CDK6: variants seen among roughly 807,000 people sequenced by gnomAD.
The protein encoded by CDK6 is cyclin-dependent kinase 6.
Under a neutral mutation model 37.1 loss-of-function variants are expected in CDK6, and 6 were observed. The observed-to-expected ratio is 0.16, with a 90% CI of 0.09 to 0.32. The LOEUF (loss-of-function observed/expected upper bound fraction) is 0.32. Among genes scored for constraint, CDK6 ranks in the 10% least tolerant of loss-of-function variants. CDK6 has a pLI of 1.00. For missense variants in CDK6, 224 were observed against 418.9 expected (o/e 0.53, Z 4.06); for synonymous variants, 160 against 161.3 (o/e 0.99, Z 0.06).
At chr7:92,741,291 G>GTTT (rs1244653707) in intron 3 of CDK6, among the ~76,000 whole-genome samples, 2 of 152,204 alleles carry the variant, frequency 1.3e-5, no homozygotes, top group African/African-American at 4.8e-5. Context: ...GTGTGGCTAT[G>GTTT]TTTGCATTAG....
At chr7:92,701,844 C>T (rs538728715) in intron 4 of CDK6, 1 of 152,450 alleles carries the variant, frequency 6.6e-6, no homozygotes, top group Admixed American at 6.5e-5. Flanking sequence ...CTGACAAATA[C>T]CACAAAATGC....
chr7:92,638,693 A>C (rs1172518272), intron 5 of CDK6, among the ~76,000 whole-genome samples: 1 of 152,210 alleles, frequency 6.6e-6, no homozygotes, highest in Non-Finnish European at 1.5e-5. Flanking sequence ...CCTTGAAGGA[A>C]CATCACTTAC....
chr7:92,828,975 T>G (rs777081640), intron 2 of CDK6, among the ~76,000 whole-genome samples: 25 of 152,288 alleles, frequency 1.6e-4, no homozygotes, highest in Non-Finnish European at 3.2e-4. Context: ...ACTCCTGCTT[T>G]TCCTGCTTTT....
intron 3 of CDK6, among the ~76,000 whole-genome samples, chr7:92,747,171 T>A (rs1799080743): frequency 6.6e-6 from 1 of 152,148 alleles, no homozygotes; most frequent in Admixed American, 6.5e-5. Flanking sequence ...ACTTACCTAT[T>A]TCTGCTTTTC....
intron 5 of CDK6, among the ~76,000 whole-genome samples, chr7:92,659,279 T>A (rs141769087): frequency 4.6e-5 from 7 of 152,296 alleles, no homozygotes; most frequent in African/African-American, 1.4e-4. Flanking sequence ...TGAACTGAGA[T>A]GTGCTGTAAG....
intron 7 of CDK6, among the ~76,000 whole-genome samples, chr7:92,615,564 G>A (rs1412454793): frequency 1.3e-5 from 2 of 152,158 alleles, no homozygotes; most frequent in East Asian, 1.9e-4. Flanking sequence ...ACTTTATTTA[G>A]TAATTCTTCC....
At position 92,608,362 on chromosome 7, in the gene CDK6, CAAAGAA is replaced by C. The variant is rs1795478219; in HGVS notation, c.*6772_*6777del. 1 of 231,292 alleles carries C rather than the reference CAAAGAA, an allele frequency of 4.3e-6. No homozygotes were observed. Among genetic ancestry groups the C allele is most frequent in the Non-Finnish European group, 8.5e-6 (1 of 117,094 alleles). The allele number at this position is 231,292 out of a possible 1,614,324, so 14.3% of individuals were successfully genotyped here. On this transcript the variant is annotated 3_prime_UTR_variant, in exon 8 of 8. Coordinates refer to ENST00000424848, the MANE Select transcript of CDK6 (RefSeq NM_001145306.2). Reference sequence around the variant, plus strand: ...TGTTTACATACCTTTAATTACCTAACAAAGAAAAAGAGAGAAAAGAAACTGGAAGCT... The same window carrying C: ...TGTTTACATACCTTTAATTACCTAACAAAGAGAGAAAAGAAACTGGAAGCT...
intron 2 of CDK6, among the ~76,000 whole-genome samples, chr7:92,814,412 T>C (rs540008714): frequency 1.3e-5 from 2 of 152,294 alleles, no homozygotes; most frequent in South Asian, 2.1e-4. Context: ...TCTGGTGAAA[T>C]TAGCAGACAA....
intron 3 of CDK6, among the ~76,000 whole-genome samples, chr7:92,770,644 T>C (rs1473030333): frequency 6.6e-6 from 1 of 152,146 alleles, no homozygotes; most frequent in Non-Finnish European, 1.5e-5. Context: ...AGTAAGATCA[T>C]CATGGGCTCT....
chr7:92,827,344 G>A (rs1801350801), intron 2 of CDK6, among the ~76,000 whole-genome samples: 2 of 152,004 alleles, frequency 1.3e-5, no homozygotes, highest in African/African-American at 2.4e-5. Flanking sequence ...TCCAAATTTC[G>A]GCAAACTACT....
intron 4 of CDK6, among the ~76,000 whole-genome samples, chr7:92,680,126 T>G (rs1418878734): frequency 6.6e-6 from 1 of 151,774 alleles, no homozygotes; most frequent in African/African-American, 2.4e-5. Context: ...TAACTGGTTA[T>G]GGAAACTATT....
Position 92,610,807 on chromosome 7 carries a change from T to TCCA in CDK6, c.*4332_*4333insTGG, listed in dbSNP as rs1795546470. ...ATACTTAATGGACATGATAAATGGTTTTGGGTAAGGTTCACAATTTTTCAA... is the reference window on the plus strand; with the variant it reads ...ATACTTAATGGACATGATAAATGGTTCCATTGGGTAAGGTTCACAATTTTTCAA... On this transcript the variant is annotated 3_prime_UTR_variant, in exon 8 of 8. Transcript: ENST00000424848. The TCCA allele has an allele frequency of 8.8e-6, 2 of 228,254 alleles. No homozygotes were observed. Among genetic ancestry groups the TCCA allele is most frequent in the Non-Finnish European group, 1.7e-5 (2 of 115,096 alleles). The allele number at this position is 228,254 out of a possible 1,614,324, so 14.1% of individuals were successfully genotyped here. A position where few individuals can be genotyped will look rare whatever the true frequency, so the allele number is the denominator to read the frequency against.
intron 5 of CDK6, among the ~76,000 whole-genome samples, chr7:92,651,041 C>A (rs543254286): frequency 1.3e-5 from 2 of 152,232 alleles, no homozygotes; most frequent in South Asian, 4.1e-4. Flanking sequence ...AGGCATGCGC[C>A]ACCACACCCA....
chr7:92,768,806 G>A (rs1259015708), intron 3 of CDK6, among the ~76,000 whole-genome samples: 1 of 152,100 alleles, frequency 6.6e-6, no homozygotes, highest in East Asian at 1.9e-4. Flanking sequence ...TCTGGGAAGC[G>A]ATATTTTCAT....
chr7:92,739,687 T>G (rs73406775), intron 3 of CDK6, among the ~76,000 whole-genome samples: 3,949 of 152,334 alleles, frequency 0.026, 163 homozygotes, highest in African/African-American at 0.089. Context: ...ACAATGGTGT[T>G]CCGACACAAA....
Position 92,834,023 on chromosome 7 carries a change from C to A in CDK6, c.-367-333G>T. The A allele has an allele frequency of 2.5e-6, 1 of 397,694 alleles. No homozygotes were observed. The highest frequency in any genetic ancestry group is 4.4e-6 in the Non-Finnish European group (1 of 225,760). 24.6% of individuals were successfully genotyped at this position (397,694 alleles called of 1,614,324 possible). On this transcript the variant is annotated intron_variant, in intron 1 of 7. Coordinates refer to ENST00000424848, the MANE Select transcript of CDK6 (RefSeq NM_001145306.2). This position sits in a 1 kb window ranked among gnomAD's most constrained non-coding sequence, Gnocchi z 4.6. ...CGGGAGCGCGGGGGAGGGGAGGCGC[C>A]GGGCACGTCAATGTCACGGCTTAAT...
At chr7:92,814,915 AATAAT>A (rs771010027) in intron 2 of CDK6, among the ~76,000 whole-genome samples, 229 of 151,882 alleles carry the variant, frequency 1.5e-3, no homozygotes, top group Non-Finnish European at 2.9e-3. Context: ...TTAAATATAT[AATAAT>A]ATATCTGTAT....
chr7:92,831,807 GAT>G (rs1801489485), intron 2 of CDK6, among the ~76,000 whole-genome samples: 1 of 152,134 alleles, frequency 6.6e-6, no homozygotes, highest in African/African-American at 2.4e-5. Context: ...ACCAGCCTGG[GAT>G]AAGAGGAGAC....
intron 5 of CDK6, among the ~76,000 whole-genome samples, chr7:92,652,249 C>T (rs1796592624): frequency 6.6e-6 from 1 of 152,142 alleles, no homozygotes; most frequent in South Asian, 2.1e-4. Flanking sequence ...ACCCTATTTG[C>T]CTTTGCATCA....
Sources: allele counts gnomAD v4.1 joint callset (sites outside exome capture counted in the v4.1 genomes callset), GRCh38; gene constraint gnomAD v4.1.1; non-coding constraint Gnocchi (gnomAD v3.1); transcripts MANE v1.5; gene names NCBI Gene and HGNC (gene_info 2026-07-23, HGNC 2026-07-21).